The following TFB1M variants were observed in gnomAD, a reference collection of about 807,000 sequenced individuals.
TFB1M encodes dimethyladenosine transferase 1, mitochondrial.
A neutral mutation model predicts 31.1 loss-of-function variants in TFB1M; 27 were observed. That is an observed-to-expected ratio of 0.87 (90% CI 0.64 to 1.20). TFB1M has a LOEUF of 1.20. Among genes scored for constraint, TFB1M ranks in the 50% most tolerant of loss-of-function variants. TFB1M has a pLI of 0.00. For synonymous variants in TFB1M, 166 were observed against 151.8 expected (o/e 1.09, Z -0.69); for missense variants, 394 against 418.7 (o/e 0.94, Z 0.51).
chr6:155,235,654 A>G, the TFB1M span, among the ~76,000 whole-genome samples: 1 of 152,222 alleles, frequency 6.6e-6, no homozygotes, highest in Non-Finnish European at 1.5e-5. Context: ...AGTAATCCTC[A>G]CCAACTCCCT....
chr6:155,269,316 T>C (rs1784814447), intron 5 of TFB1M, among the ~76,000 whole-genome samples: 1 of 103,274 alleles, frequency 9.7e-6, no homozygotes, highest in Admixed American at 1.1e-4. Context: ...TTTCTTTTCT[T>C]TTCTTTTCTT....
chr6:155,260,729 C>A, intron 5 of TFB1M: 1 of 373,674 alleles, frequency 2.7e-6, no homozygotes, highest in Non-Finnish European at 5.1e-6. Context: ...TAATAGATGG[C>A]ATTAGAATAT....
chr6:155,250,598 G>A, the TFB1M span: 3 of 1,535,996 alleles, frequency 2.0e-6, no homozygotes, highest in Middle Eastern at 5.0e-4. Flanking sequence ...GCTTACAAAA[G>A]GCACTCTGGA....
intron 3 of TFB1M, 74 bp downstream of exon 3, chr6:155,298,403 T>C: frequency 2.5e-6 from 2 of 792,766 alleles, no homozygotes; most frequent in Non-Finnish European, 4.5e-6. Context: ...TTGTAATAAA[T>C]GTATCATAAA....
rs761468264 is a variant in TFB1M, at chr6:155,276,068, G to A, written c.666+9090C>T. 3.1e-6 allele frequency: 5 copies of A among 1,614,048 alleles called. No homozygotes were observed. In the South Asian group the frequency reaches 4.4e-5, roughly 14 times the overall value. The stretch of plus-strand genomic sequence containing the variant: ...AGGGGACAGAGAAACCAAGAGCCAT[G>A]CTTCCTTTGCTGGAGGAGTCTGTTT... On this transcript the variant is annotated intron_variant, in intron 5 of 6. Coordinates refer to ENST00000367166, the MANE Select transcript of TFB1M (RefSeq NM_016020.4).
the TFB1M span, chr6:155,244,512 G>C: frequency 3.2e-6 from 3 of 948,622 alleles, no homozygotes; most frequent in Admixed American, 7.2e-5. Flanking sequence ...ATCCCATAAT[G>C]AATGTGCTGT....
rs183959309 is a variant in TFB1M at position 155,257,775 on chromosome 6, T to C, written c.*61A>G. ...TTCTGTAAAGACAAAAGAGTACCTA[T>C]ATAAGAAGCTCCACGTAGTGCAAAT... is the stretch of plus-strand genomic sequence containing the variant. On this transcript the variant is annotated 3_prime_UTR_variant, in exon 7 of 7. Transcript: ENST00000367166. The C allele has an allele frequency of 1.7e-4, 274 of 1,602,426 alleles. 1 individual carries two copies. The East Asian group carries it at 5.0e-3, about 29-fold the overall frequency.
At chr6:155,258,122 C>A (rs746578336) in intron 6 of TFB1M, 40 bp from the exon 7 acceptor site, 2 of 1,610,624 alleles carry the variant, frequency 1.2e-6, no homozygotes, top group East Asian at 2.2e-5. Flanking sequence ...AAGAATTTTA[C>A]TTAAATTCTG....
At chr6:155,298,709 T>G in intron 2 of TFB1M, 124 bp from the exon 3 acceptor site, 2 of 693,532 alleles carry the variant, frequency 2.9e-6, no homozygotes, top group Admixed American at 4.4e-5. Flanking sequence ...TGATCATTAA[T>G]GAACAAATAC....
chr6:155,271,545 G>GA (rs1206378027), intron 5 of TFB1M, among the ~76,000 whole-genome samples: 1 of 151,404 alleles, frequency 6.6e-6, no homozygotes, highest in Non-Finnish European at 1.5e-5. Flanking sequence ...TTCTTTTATT[G>GA]AAAAAAATAC....
chr6:155,274,361 T>C (rs1216464608), intron 5 of TFB1M, among the ~76,000 whole-genome samples: 1 of 152,224 alleles, frequency 6.6e-6, no homozygotes, highest in Non-Finnish European at 1.5e-5. Flanking sequence ...AGCCTTTTTG[T>C]TTCTTAAAAC....
chr6:155,243,911 A>G, the TFB1M span: 3 of 622,576 alleles, frequency 4.8e-6, no homozygotes, highest in South Asian at 4.5e-5. Flanking sequence ...CATTATCCTG[A>G]TGGGAGCCTT....
the TFB1M span, chr6:155,240,481 T>C: frequency 6.4e-7 from 1 of 1,552,662 alleles, no homozygotes; most frequent in Non-Finnish European, 8.7e-7. Flanking sequence ...CAGCGGATAC[T>C]ATCAGGGAGA....
rs1777287149 is a variant in TFB1M, at chr6:155,298,555, TCA to T, written c.314_315del (p.Leu105GlnfsTer11). ...GTCAAGACATCTCCATGAACAATTC[TCA>T]GTTTCCCAGGTGCTGCATCAGAAAG... ...QMLSDAAPGK[L>X]RIVHGDVLTF... On this transcript the variant is annotated frameshift_variant, in exon 3 of 7. Coordinates refer to ENST00000367166, the MANE Select transcript of TFB1M (RefSeq NM_016020.4). LOFTEE classifies it high-confidence loss of function. 3.7e-6 allele frequency: 6 copies of T among 1,613,330 alleles called. No homozygotes were observed. The highest frequency in any genetic ancestry group is 1.1e-5 in the South Asian group (1 of 91,068).
At chr6:155,252,259 C>G (rs990570452), downstream of TFB1M, among the ~76,000 whole-genome samples, 11 of 152,064 alleles carry the variant, frequency 7.2e-5, no homozygotes, top group Non-Finnish European at 1.5e-4. Flanking sequence ...GAGGCTTGAG[C>G]CCAGGAATTT....
Position 155,260,344 on chromosome 6 carries a change from T to A in TFB1M, c.723A>T (p.Pro241=), listed in dbSNP as rs371075620. 6.2e-7 allele frequency: 1 copy of A among 1,614,140 alleles called. No homozygotes were observed. Among genetic ancestry groups the A allele is most frequent in the Non-Finnish European group, 8.5e-7 (1 of 1,180,048 alleles). The change falls in exon 6 of 7, where the codon CCA becomes CCT. Residue 241 remains proline (P), a synonymous_variant. Transcript: ENST00000367166. The stretch of plus-strand genomic sequence containing the variant: ...GAACCACTTTTTCCACCAGCTTGAA[T>A]GGCTGCTCTATCTTGGGCTGTATCA... ...TPLIQPKIEQ[P]FKLVEKVVQN...
At chr6:155,286,310 T>G (rs529633301) in intron 4 of TFB1M, among the ~76,000 whole-genome samples, 1 of 151,872 alleles carries the variant, frequency 6.6e-6, no homozygotes, top group African/African-American at 2.4e-5. Flanking sequence ...ACTTCCATGG[T>G]AGGGAAGAAT....
chr6:155,244,941 G>T, the TFB1M span: 2 of 934,070 alleles, frequency 2.1e-6, no homozygotes, highest in Non-Finnish European at 2.9e-6. Flanking sequence ...TCTGTCAGGT[G>T]GTAAAGGAAG....
chr6:155,302,147 G>A (rs1020051156), intron 2 of TFB1M, among the ~76,000 whole-genome samples: 5 of 152,180 alleles, frequency 3.3e-5, no homozygotes, highest in African/African-American at 4.8e-5. Context: ...CAAAATTATC[G>A]ATTCCTTAAG....
Sources: gnomAD v4.1 joint callset for allele counts (sites outside exome capture counted in the v4.1 genomes callset) on GRCh38, gnomAD v4.1.1 for gene constraint, MANE v1.5 for transcripts, NCBI Gene and HGNC (gene_info 2026-07-23, HGNC 2026-07-21) for gene names.